The following MEF2A variants were observed in gnomAD, a reference collection of about 807,000 sequenced individuals.
MEF2A encodes the protein myocyte enhancer factor 2A, also known as myocyte-specific enhancer factor 2A.
A neutral mutation model predicts 55.8 loss-of-function variants in MEF2A; 28 were observed. That is an observed-to-expected ratio of 0.50 (90% CI 0.37 to 0.69). The LOEUF is 0.69. Ranked by LOEUF, MEF2A falls within the 30% of genes least tolerant of loss-of-function variation. The pLI is 0.00. For missense variants in MEF2A, 528 were observed against 626.2 expected, an observed-to-expected ratio of 0.84 and a Z score of 1.67; for synonymous variants, 239 against 227.1, an observed-to-expected ratio of 1.05 and a Z score of -0.47.
intron 1 of MEF2A, among the ~76,000 whole-genome samples, chr15:99,567,614 G>A (rs889521616): frequency 1.4e-5 from 2 of 141,140 alleles, no homozygotes; most frequent in Admixed American, 7.0e-5. Context: ...TGCCTTTATG[G>A]CTTTTGTATG....
chr15:99,661,292 C>G (rs1387432843), intron 4 of MEF2A, among the ~76,000 whole-genome samples: 1 of 151,840 alleles, frequency 6.6e-6, no homozygotes, highest in Admixed American at 6.6e-5. Context: ...AGGAGAATAT[C>G]TTCATAATTT....
chr15:99,706,290 ATAAT>A (rs1046776227), intron 9 of MEF2A, among the ~76,000 whole-genome samples: 3 of 152,276 alleles, frequency 2.0e-5, no homozygotes, highest in African/African-American at 7.2e-5. Flanking sequence ...TAACACGTAA[ATAAT>A]ACCGCAAAGA....
chr15:99,616,428 TA>T (rs1416905144), intron 2 of MEF2A, among the ~76,000 whole-genome samples: 2 of 152,190 alleles, frequency 1.3e-5, no homozygotes, highest in African/African-American at 4.8e-5. Flanking sequence ...GTTTCTTCCT[TA>T]GTTTTGAGAA....
At chr15:99,629,811 G>A (rs899428125) in intron 2 of MEF2A, among the ~76,000 whole-genome samples, 1 of 152,054 alleles carries the variant, frequency 6.6e-6, no homozygotes, top group Non-Finnish European at 1.5e-5. Flanking sequence ...GTGGTGGCAC[G>A]TGCCTGTAGC....
At chr15:99,698,271 A>T (rs992491847) in intron 8 of MEF2A, among the ~76,000 whole-genome samples, 2 of 152,224 alleles carry the variant, frequency 1.3e-5, no homozygotes, top group Non-Finnish European at 2.9e-5. Flanking sequence ...TTTGCAAGTC[A>T]CATATCCAAT....
At chr15:99,634,995 C>T (rs2043535782) in intron 3 of MEF2A, among the ~76,000 whole-genome samples, 1 of 152,164 alleles carries the variant, frequency 6.6e-6, no homozygotes, top group South Asian at 2.1e-4. Flanking sequence ...TTAAAAGTTT[C>T]ATGTTTCTTC....
At chr15:99,678,684 CT>C in intron 7 of MEF2A, 1 of 984,552 alleles carries the variant, frequency 1.0e-6, no homozygotes, top group Non-Finnish European at 1.2e-6. Context: ...ATCCTTGAGA[CT>C]TTTAAAGCAC....
chr15:99,666,820 T>C (rs2049868722), intron 4 of MEF2A, among the ~76,000 whole-genome samples: 1 of 152,140 alleles, frequency 6.6e-6, no homozygotes, highest in African/African-American at 2.4e-5. Context: ...CTCCACCAGC[T>C]TGAATTTCAT....
rs763471227 is a variant in MEF2A at position 99,716,438 on chromosome 15, CTGTT to C, written c.*3671_*3674del. On this transcript the variant is annotated 3_prime_UTR_variant, in exon 12 of 12. Transcript: ENST00000557942. ...AGACAATGCTAAAGGTTGTTGTAAA[CTGTT>C]TGTCTCCCGCACTCACTCCAGTAAA... The C allele has an allele frequency of 1.6e-4, 72 of 450,614 alleles. 1 individual carries two copies. Among genetic ancestry groups the C allele is most frequent in the African/African-American group, 1.1e-3 (56 of 50,040 alleles). The allele number at this position is 450,614 out of a possible 1,614,324, so 27.9% of individuals were successfully genotyped here. A position where few individuals can be genotyped will look rare whatever the true frequency, so the allele number is the denominator to read the frequency against.
intron 2 of MEF2A, among the ~76,000 whole-genome samples, chr15:99,629,855 G>A (rs748404905): frequency 2.0e-5 from 3 of 151,996 alleles, no homozygotes; most frequent in African/African-American, 7.3e-5. Flanking sequence ...CAGGAGAATC[G>A]CTTGAACCGT....
intron 7 of MEF2A, among the ~76,000 whole-genome samples, chr15:99,686,534 A>G (rs2054258830): frequency 6.6e-6 from 1 of 152,208 alleles, no homozygotes; most frequent in Admixed American, 6.5e-5. Context: ...TGAGGAAGCT[A>G]AAGATAGGAC....
intron 9 of MEF2A, among the ~76,000 whole-genome samples, chr15:99,705,872 G>A (rs543946175): frequency 1.3e-5 from 2 of 152,330 alleles, no homozygotes; most frequent in South Asian, 4.1e-4. Flanking sequence ...ATGTGCTAGT[G>A]ACACAGAGTC....
intron 4 of MEF2A, among the ~76,000 whole-genome samples, chr15:99,665,281 C>T (rs2049389881): frequency 6.6e-6 from 1 of 152,058 alleles, no homozygotes; most frequent in African/African-American, 2.4e-5. Flanking sequence ...CAAGAGCCTT[C>T]CTACTACTGG....
intron 2 of MEF2A, among the ~76,000 whole-genome samples, chr15:99,599,498 G>A (rs1016640363): frequency 3.3e-5 from 5 of 151,974 alleles, no homozygotes; most frequent in African/African-American, 1.2e-4. Context: ...TACAAACTTA[G>A]AAAAATGAGT....
intron 1 of MEF2A, among the ~76,000 whole-genome samples, chr15:99,586,338 C>CT (rs1291359191): frequency 1.3e-5 from 2 of 152,152 alleles, no homozygotes; most frequent in Admixed American, 1.3e-4. Context: ...TTCACCAACA[C>CT]TTTGCATTGT....
At position 99,703,743 on chromosome 15, in the gene MEF2A, C is replaced by A. The variant is rs376447138; in HGVS notation, c.882+358C>A. 4.1e-4 allele frequency among the ~76,000 whole-genome samples: 62 copies of A among 152,102 alleles called. 1 individual carries two copies. The South Asian group carries it at 0.012, about 31-fold the overall frequency. Reference sequence around the variant, plus strand: ...AGAAAATGACTTCACCCTCGAAGTTCCTCAGATTGTAACACACGATGTTGT... The same window carrying A: ...AGAAAATGACTTCACCCTCGAAGTTACTCAGATTGTAACACACGATGTTGT... On this transcript the variant is annotated intron_variant, in intron 9 of 11. Transcript: ENST00000557942.
chr15:99,644,993 A>T (rs1045401365), intron 3 of MEF2A, among the ~76,000 whole-genome samples: 5 of 152,066 alleles, frequency 3.3e-5, no homozygotes, highest in East Asian at 1.9e-4. Context: ...AAATAAAAAA[A>T]TTTTTTGGGG....
At chr15:99,678,620 C>T in intron 7 of MEF2A, 1 of 982,436 alleles carries the variant, frequency 1.0e-6, no homozygotes, top group Non-Finnish European at 1.2e-6. Flanking sequence ...CATCTTCTGC[C>T]TGCTTCCCTA....
At chr15:99,622,702 C>CTTTTTTTTTTTTTTTT (rs56054040) in intron 2 of MEF2A, among the ~76,000 whole-genome samples, 11 of 135,700 alleles carry the variant, frequency 8.1e-5, no homozygotes, top group Non-Finnish European at 1.1e-4. Context: ...GTTTTCTTTT[C>CTTTTTTTTTTTTTTTT]TTTTTTTTTT....
Sources: gnomAD v4.1 joint callset for allele counts (sites outside exome capture counted in the v4.1 genomes callset) on GRCh38, gnomAD v4.1.1 for gene constraint, MANE v1.5 for transcripts, NCBI Gene and HGNC (gene_info 2026-07-23, HGNC 2026-07-21) for gene names.